The following RHOBTB1 variants were observed in gnomAD, a reference collection of about 807,000 sequenced individuals.
RHOBTB1 encodes the protein Rho related BTB domain containing 1.
RHOBTB1 carries 40 observed loss-of-function variants against 71.6 expected under a neutral mutation model. The observed-to-expected ratio is 0.56, with a 90% CI of 0.43 to 0.73. The LOEUF is 0.73. Among genes scored for constraint, RHOBTB1 ranks in the 30% least tolerant of loss-of-function variants. RHOBTB1 has a pLI of 0.00. For synonymous variants in RHOBTB1, 319 were observed against 334.9 expected (o/e 0.95, Z 0.52); for missense variants, 797 against 894.0 (o/e 0.89, Z 1.38).
At chr10:60,921,053 G>T (rs1272455852) in intron 2 of RHOBTB1, among the ~76,000 whole-genome samples, 5 of 151,372 alleles carry the variant, frequency 3.3e-5, no homozygotes, top group African/African-American at 1.2e-4. Flanking sequence ...GGGTTCAAGT[G>T]ATTCTCTGCC....
intron 1 of RHOBTB1, among the ~76,000 whole-genome samples, chr10:60,992,169 A>T (rs1160569542): frequency 6.6e-6 from 1 of 152,164 alleles, no homozygotes; most frequent in Non-Finnish European, 1.5e-5. Flanking sequence ...CAGTCACAAG[A>T]GCATTGAAAG....
At chr10:60,881,264 T>A (rs61853328) in intron 7 of RHOBTB1, among the ~76,000 whole-genome samples, 2,176 of 152,300 alleles carry the variant, frequency 0.014, 28 homozygotes, top group South Asian at 0.04. Context: ...TAAATTACCC[T>A]ATCTCTGGTA....
At chr10:60,977,595 T>C (rs2086357778) in intron 2 of RHOBTB1, among the ~76,000 whole-genome samples, 1 of 152,104 alleles carries the variant, frequency 6.6e-6, no homozygotes, top group Non-Finnish European at 1.5e-5. Flanking sequence ...GGTTCTTTTT[T>C]TACTGTTAAT....
chr10:60,943,729 T>G (rs1028751312), intron 1 of RHOBTB1, among the ~76,000 whole-genome samples: 5 of 152,104 alleles, frequency 3.3e-5, no homozygotes, highest in Admixed American at 3.3e-4. Context: ...GGGGTGCGGC[T>G]GTGCGGGCGC....
chr10:60,944,217 C>G (rs548146068), upstream of RHOBTB1: 2 of 152,114 alleles, frequency 1.3e-5, no homozygotes, highest in African/African-American at 4.8e-5. Flanking sequence ...CCTTTCCACC[C>G]GCAGCCCTCC....
Position 60,943,963 on chromosome 10 carries a change from G to A in RHOBTB1, c.-62+8C>T, listed in dbSNP as rs532254548. The A allele has an allele frequency of 1.3e-5, 2 of 151,950 alleles. No individual in the cohort carries two copies. Among genetic ancestry groups the A allele is most frequent in the East Asian group, 3.9e-4 (2 of 5,080 alleles). The allele number at this position is 151,950 out of a possible 1,614,324, so 9.4% of individuals were successfully genotyped here. ...CATAGCATAGAGCACTCACGACACA[G>A]AACCTACCCTGAAGCCGAGCGAGAC... On this transcript the variant is annotated splice_region_variant and intron_variant, in intron 1 of 10. Coordinates refer to ENST00000337910, the MANE Select transcript of RHOBTB1 (RefSeq NM_014836.5).
chr10:60,961,701 A>AT (rs2085783593), intron 2 of RHOBTB1, among the ~76,000 whole-genome samples: 1 of 152,170 alleles, frequency 6.6e-6, no homozygotes, highest in African/African-American at 2.4e-5. Flanking sequence ...GCATTGCTGT[A>AT]TATATGAAAG....
chr10:60,943,566 G>C (rs1340275783), intron 1 of RHOBTB1, among the ~76,000 whole-genome samples: 1 of 152,182 alleles, frequency 6.6e-6, no homozygotes, highest in Non-Finnish European at 1.5e-5. Context: ...AGGGGCTAGC[G>C]TATTCCCCTG....
chr10:60,970,673 C>T (rs2086122070), intron 2 of RHOBTB1, among the ~76,000 whole-genome samples: 1 of 152,038 alleles, frequency 6.6e-6, no homozygotes, highest in Non-Finnish European at 1.5e-5. Flanking sequence ...ACATAAGACT[C>T]AAATACTTTT....
At chr10:60,968,521 A>G (rs1488466805) in intron 2 of RHOBTB1, among the ~76,000 whole-genome samples, 1 of 152,122 alleles carries the variant, frequency 6.6e-6, no homozygotes, top group Admixed American at 6.6e-5. Flanking sequence ...GGTCCCTGCT[A>G]TCAATGAAAC....
chr10:60,961,718 C>T (rs1393985468), intron 2 of RHOBTB1, among the ~76,000 whole-genome samples: 3 of 152,022 alleles, frequency 2.0e-5, no homozygotes, highest in Admixed American at 6.6e-5. Flanking sequence ...AAAGTGCTTT[C>T]ACAAGCTATA....
intron 1 of RHOBTB1, among the ~76,000 whole-genome samples, chr10:60,992,966 C>G (rs2086919465): frequency 6.6e-6 from 1 of 152,146 alleles, no homozygotes. Context: ...CAGATAGACT[C>G]CTATCCAAGG....
At chr10:60,928,188 C>T (rs2133900786) in intron 2 of RHOBTB1, among the ~76,000 whole-genome samples, 1 of 152,186 alleles carries the variant, frequency 6.6e-6, no homozygotes, top group Non-Finnish European at 1.5e-5. Flanking sequence ...TGAGGATGTA[C>T]AGAAAGGGGA....
At chr10:60,935,582 C>A (rs1289697628) in intron 2 of RHOBTB1, among the ~76,000 whole-genome samples, 1 of 152,084 alleles carries the variant, frequency 6.6e-6, no homozygotes, top group African/African-American at 2.4e-5. Flanking sequence ...TTGGGAATCA[C>A]TACACCAGAT....
chr10:60,925,393 C>G (rs1471580661), intron 2 of RHOBTB1, among the ~76,000 whole-genome samples: 1 of 152,004 alleles, frequency 6.6e-6, no homozygotes, highest in African/African-American at 2.4e-5. Flanking sequence ...AATGAAAATA[C>G]AAACACAACA....
intron 2 of RHOBTB1, among the ~76,000 whole-genome samples, chr10:60,951,688 G>A (rs986395024): frequency 1.3e-5 from 2 of 152,206 alleles, no homozygotes; most frequent in Non-Finnish European, 2.9e-5. Context: ...AGGCACGGAA[G>A]CTTCATGCTT....
chr10:60,905,617 A>G (rs1014505604), intron 4 of RHOBTB1, among the ~76,000 whole-genome samples: 1 of 151,782 alleles, frequency 6.6e-6, no homozygotes, highest in Non-Finnish European at 1.5e-5. Context: ...TCTTTTTAAG[A>G]TTATTATTAT....
chr10:60,912,993 T>A (rs1287465365), intron 2 of RHOBTB1: 1 of 152,244 alleles, frequency 6.6e-6, no homozygotes, highest in African/African-American at 2.4e-5. Context: ...GTAATGATTT[T>A]AATGGCTATG....
At chr10:60,989,833 C>A (rs1383189733) in intron 1 of RHOBTB1, among the ~76,000 whole-genome samples, 1 of 152,148 alleles carries the variant, frequency 6.6e-6, no homozygotes, top group East Asian at 1.9e-4. Flanking sequence ...GAGAGGCAAG[C>A]CAGCACTGCT....
Sources: gnomAD v4.1 joint callset for allele counts (sites outside exome capture counted in the v4.1 genomes callset) on GRCh38, gnomAD v4.1.1 for gene constraint, MANE v1.5 for transcripts, NCBI Gene and HGNC (gene_info 2026-07-23, HGNC 2026-07-21) for gene names.